The following DTWD2 variants were observed in gnomAD, a reference collection of about 807,000 sequenced individuals.
The protein encoded by DTWD2 is DTW motif tRNA-uridine aminocarboxypropyltransferase 2, also known as tRNA-uridine aminocarboxypropyltransferase 2.
Under a neutral mutation model 31.8 loss-of-function variants are expected in DTWD2, and 39 were observed. That is an observed-to-expected ratio of 1.22 (90% CI 0.95 to 1.60). The LOEUF (loss-of-function observed/expected upper bound fraction) is 1.60, where lower values mean the gene tolerates loss of function less well. DTWD2 is among the 40% of genes most tolerant of loss of function. The probability of loss-of-function intolerance (pLI) is 0.00; values close to 1 mark genes in which losing one functional copy is unlikely to be tolerated. For synonymous variants in DTWD2, 180 were observed against 142.8 expected (o/e 1.26, Z -1.86); for missense variants, 515 against 381.5 (o/e 1.35, Z -2.92).
intron 3 of DTWD2, among the ~76,000 whole-genome samples, chr5:118,934,817 C>A (rs781048576): frequency 2.0e-5 from 3 of 152,088 alleles, no homozygotes; most frequent in Non-Finnish European, 4.4e-5. Flanking sequence ...AGACCCATAC[C>A]ATATAAACAC....
At chr5:118,884,943 C>A (rs530687700) in intron 4 of DTWD2, among the ~76,000 whole-genome samples, 2 of 146,904 alleles carry the variant, frequency 1.4e-5, no homozygotes, top group Admixed American at 6.9e-5. Context: ...TTGCAGTGAG[C>A]CGAGACTACG....
intron 4 of DTWD2, among the ~76,000 whole-genome samples, chr5:118,852,276 A>C (rs1752027513): frequency 6.6e-6 from 1 of 152,350 alleles, no homozygotes; most frequent in South Asian, 2.1e-4. Flanking sequence ...CACATGTTTT[A>C]CAATCAATTT....
chr5:118,925,988 G>A (rs1464164328), intron 4 of DTWD2, among the ~76,000 whole-genome samples: 2 of 152,124 alleles, frequency 1.3e-5, no homozygotes, highest in African/African-American at 4.8e-5. Context: ...CCAGCACTTT[G>A]GGAAGCCGAG....
chr5:118,859,154 T>C (rs1752202536), intron 4 of DTWD2, among the ~76,000 whole-genome samples: 1 of 151,646 alleles, frequency 6.6e-6, no homozygotes, highest in South Asian at 2.1e-4. Context: ...ATTGCATGAC[T>C]ATAATTTTTC....
At chr5:118,974,813 A>C (rs1305233375) in intron 1 of DTWD2, 1 of 388,434 alleles carries the variant, frequency 2.6e-6, no homozygotes, top group Non-Finnish European at 5.2e-6. Flanking sequence ...TTCTAACAAA[A>C]AAAAAAATTC....
At chr5:118,955,787 C>A (rs1196637989) in intron 1 of DTWD2, among the ~76,000 whole-genome samples, 6 of 150,994 alleles carry the variant, frequency 4.0e-5, no homozygotes, top group African/African-American at 1.5e-4. Flanking sequence ...CACAGCAAGA[C>A]CCCTATCTCT....
At chr5:118,847,828 G>T (rs565694367) in intron 5 of DTWD2, among the ~76,000 whole-genome samples, 17 of 152,206 alleles carry the variant, frequency 1.1e-4, no homozygotes, top group Non-Finnish European at 2.4e-4. Flanking sequence ...ACTTAATGTT[G>T]TGCTACTTAA....
chr5:118,877,874 T>C (rs1246995868), intron 4 of DTWD2, among the ~76,000 whole-genome samples: 1 of 152,044 alleles, frequency 6.6e-6, no homozygotes, highest in Non-Finnish European at 1.5e-5. Context: ...TATGCAAAAA[T>C]CACTAGCATT....
intron 4 of DTWD2, among the ~76,000 whole-genome samples, chr5:118,920,832 C>G (rs1753687135): frequency 6.6e-6 from 1 of 151,966 alleles, no homozygotes; most frequent in Admixed American, 6.6e-5. Flanking sequence ...GGGGAGCGTT[C>G]TTTGTTTTTT....
At chr5:118,953,368 T>C (rs1252775825) in intron 1 of DTWD2, among the ~76,000 whole-genome samples, 3 of 152,212 alleles carry the variant, frequency 2.0e-5, no homozygotes, top group East Asian at 3.8e-4. Flanking sequence ...TGATGAACTT[T>C]TGTGAGAAGT....
At chr5:118,963,680 T>C (rs1754759546) in intron 1 of DTWD2, among the ~76,000 whole-genome samples, 1 of 152,140 alleles carries the variant, frequency 6.6e-6, no homozygotes, top group African/African-American at 2.4e-5. Flanking sequence ...CTGAAAAAAT[T>C]CATTGCCGAG....
At chr5:118,856,248 T>C (rs917111491) in intron 4 of DTWD2, among the ~76,000 whole-genome samples, 1 of 152,212 alleles carries the variant, frequency 6.6e-6, no homozygotes, top group African/African-American at 2.4e-5. Context: ...TTGAACTTTA[T>C]AAAAATTTAG....
intron 4 of DTWD2, among the ~76,000 whole-genome samples, chr5:118,901,703 T>C (rs1047871245): frequency 2.0e-5 from 3 of 152,178 alleles, no homozygotes; most frequent in African/African-American, 4.8e-5. Context: ...ATTAAATGTG[T>C]CCTAACTATC....
At chr5:118,914,200 C>G (rs558327361) in intron 4 of DTWD2, among the ~76,000 whole-genome samples, 72 of 152,218 alleles carry the variant, frequency 4.7e-4, no homozygotes, top group African/African-American at 1.6e-3. Context: ...GAGGTAGGGT[C>G]TAATGTAAGC....
intron 1 of DTWD2, chr5:118,974,545 A>G (rs1167366140): frequency 1.4e-5 from 7 of 490,714 alleles, no homozygotes; most frequent in South Asian, 9.3e-5. Flanking sequence ...AAAGGAGAAA[A>G]AAAACCTTGT....
chr5:118,905,441 G>C (rs1425737920), intron 4 of DTWD2, among the ~76,000 whole-genome samples: 1 of 152,116 alleles, frequency 6.6e-6, no homozygotes, highest in Non-Finnish European at 1.5e-5. Flanking sequence ...ATATAGAACT[G>C]AAAGCATTCA....
chr5:118,945,774 AAAAGAAAGAAAGAAAG>A (rs56103316), intron 1 of DTWD2, among the ~76,000 whole-genome samples: 83 of 134,304 alleles, frequency 6.2e-4, no homozygotes, highest in East Asian at 3.8e-3. Flanking sequence ...CAAAAAAAAA[AAAAGAAAGAAAGAAAG>A]AAAGAAAGAA....
intron 4 of DTWD2, among the ~76,000 whole-genome samples, chr5:118,917,563 G>A (rs1313964952): frequency 1.3e-5 from 2 of 152,174 alleles, no homozygotes; most frequent in Non-Finnish European, 2.9e-5. Flanking sequence ...TAGTTCCACA[G>A]GGCTCCGGAG....
At chr5:118,970,400 C>T (rs1754957868) in intron 1 of DTWD2, among the ~76,000 whole-genome samples, 1 of 152,056 alleles carries the variant, frequency 6.6e-6, no homozygotes, top group African/African-American at 2.4e-5. Flanking sequence ...GCACTCCAGC[C>T]TGCTAATAAA....
Sources: allele counts gnomAD v4.1 joint callset (sites outside exome capture counted in the v4.1 genomes callset), GRCh38; gene constraint gnomAD v4.1.1; transcripts MANE v1.5; gene names NCBI Gene and HGNC (gene_info 2026-07-23, HGNC 2026-07-21).